LONP2: variants seen among roughly 807,000 people sequenced by gnomAD.
LONP2 encodes the protein lon protease homolog 2, peroxisomal.
LONP2 carries 60 observed loss-of-function variants against 85.6 expected under a neutral mutation model. That is an observed-to-expected ratio of 0.70 (90% CI 0.57 to 0.87). The LOEUF is 0.87. Ranked by LOEUF, LONP2 falls within the 40% of genes least tolerant of loss-of-function variation. The pLI, the probability that LONP2 is intolerant of heterozygous loss-of-function variation, is 0.00. For missense variants in LONP2, 860 were observed against 1,063.5 expected, an observed-to-expected ratio of 0.81 and a Z score of 2.66; for synonymous variants, 395 against 389.7, an observed-to-expected ratio of 1.01 and a Z score of -0.16.
intron 5 of LONP2, 28 bp from the exon 6 acceptor site, chr16:48,262,750 A>C: frequency 7.1e-7 from 1 of 1,412,164 alleles, no homozygotes; most frequent in Non-Finnish European, 9.9e-7. Flanking sequence ...GTTCTTGAAC[A>C]TGTTTGCTGT....
chr16:48,250,632 T>C lies in LONP2; in HGVS notation c.234-1499T>C, dbSNP rs78780283. 7.8e-3 allele frequency among the ~76,000 whole-genome samples: 1,184 copies of C among 152,366 alleles called. 22 individuals carry two copies. The highest frequency in any genetic ancestry group is 0.027 in the African/African-American group (1,133 of 41,586). On this transcript the variant is annotated intron_variant, in intron 1 of 14. Transcript: ENST00000285737. ...TCCTTGGTTTCTACTTTGTAAACCCTTTAGGCCGGGGATCCAGTTTCTTGT... is the reference window on the plus strand; with the variant it reads ...TCCTTGGTTTCTACTTTGTAAACCCCTTAGGCCGGGGATCCAGTTTCTTGT...
At chr16:48,255,170 G>C (rs970414221) in intron 2 of LONP2, among the ~76,000 whole-genome samples, 1 of 152,218 alleles carries the variant, frequency 6.6e-6, no homozygotes, top group South Asian at 2.1e-4. Flanking sequence ...CGCATAATGT[G>C]AGTGTCTTTC....
rs1247252972 is a variant in LONP2, at chr16:48,299,741, A to G, written c.1614A>G (p.Pro538=). ...PKQLEQHGLT[P]QQIQIPQVTT... The stretch of plus-strand genomic sequence containing the variant: ...AGCTGGAACAACATGGGCTGACTCC[A>G]CAGCAGATTCAGATACCCCAGGTCA... Residue 538 remains proline (P), a synonymous_variant, in exon 10 of 15, where the codon CCA becomes CCG. Coordinates refer to ENST00000285737, the MANE Select transcript of LONP2 (RefSeq NM_031490.5). 1 of 1,614,136 alleles carries G rather than the reference A, an allele frequency of 6.2e-7. No individual in the cohort carries two copies. Among genetic ancestry groups the G allele is most frequent in the Non-Finnish European group, 8.5e-7 (1 of 1,179,980 alleles).
At chr16:48,302,326 T>G (rs1275718456) in intron 10 of LONP2, among the ~76,000 whole-genome samples, 1 of 152,238 alleles carries the variant, frequency 6.6e-6, no homozygotes, top group African/African-American at 2.4e-5. Flanking sequence ...TAAGAGCTTT[T>G]TATCTGTCTT....
chr16:48,299,915 A>G (rs961208989), intron 10 of LONP2, 127 bp downstream of exon 10: 2 of 929,842 alleles, frequency 2.2e-6, no homozygotes, highest in Non-Finnish European at 3.2e-6. Context: ...CAGTCTCCTG[A>G]AAAGGAGATT....
chr16:48,258,543 C>A (rs1971810771), intron 3 of LONP2, 75 bp from the exon 4 acceptor site: 2 of 1,448,882 alleles, frequency 1.4e-6, no homozygotes, highest in Non-Finnish European at 1.8e-6. Context: ...GCAATTTAAA[C>A]CATGGCTCTG....
chr16:48,286,287 G>A (rs966801919), intron 8 of LONP2, among the ~76,000 whole-genome samples: 2 of 151,228 alleles, frequency 1.3e-5, no homozygotes, highest in African/African-American at 2.4e-5. Flanking sequence ...GACTACAGGT[G>A]CCTGCCACCA....
At chr16:48,328,152 C>T (rs1426584829) in intron 11 of LONP2, among the ~76,000 whole-genome samples, 2 of 152,208 alleles carry the variant, frequency 1.3e-5, no homozygotes, top group African/African-American at 4.8e-5. Context: ...GTGGCTCACT[C>T]CTGTAATCCC....
At chr16:48,332,051 G>A (rs1340055711) in intron 11 of LONP2, among the ~76,000 whole-genome samples, 2 of 152,208 alleles carry the variant, frequency 1.3e-5, no homozygotes, top group Non-Finnish European at 2.9e-5. Flanking sequence ...CAACAGGAGA[G>A]GAGAGTGGGA....
At chr16:48,276,266 T>C (rs1409499724) in intron 7 of LONP2, among the ~76,000 whole-genome samples, 1 of 152,234 alleles carries the variant, frequency 6.6e-6, no homozygotes, top group Non-Finnish European at 1.5e-5. Context: ...TTTTAAGGCT[T>C]GCTTGCCTTT....
Position 48,261,408 on chromosome 16 carries a change from C to T in LONP2, c.724-16C>T. The T allele has an allele frequency of 6.5e-7, 1 of 1,542,220 alleles. No individual in the cohort carries two copies. Among genetic ancestry groups the T allele is most frequent in the Non-Finnish European group, 8.8e-7 (1 of 1,142,562 alleles). ...TATTTTGACATACGGTTTTACTTTT[C>T]TGCTTTCTATGTTAGGTTATAGCAA... On this transcript the variant is annotated splice_polypyrimidine_tract_variant and intron_variant, in intron 4 of 14. Transcript: ENST00000285737.
intron 7 of LONP2, among the ~76,000 whole-genome samples, 159 bp downstream of exon 7, chr16:48,270,433 G>A (rs1337228100): frequency 6.6e-6 from 1 of 152,196 alleles, no homozygotes; most frequent in Admixed American, 6.5e-5. Flanking sequence ...AGCTAGCCTA[G>A]AGCCTCTAAG....
intron 9 of LONP2, among the ~76,000 whole-genome samples, chr16:48,296,865 G>T (rs771226095): frequency 6.6e-6 from 1 of 151,796 alleles, no homozygotes; most frequent in African/African-American, 2.4e-5. Flanking sequence ...TCACTGGAGC[G>T]TGCAAAATGT....
chr16:48,325,518 C>T (rs896864387), intron 11 of LONP2, among the ~76,000 whole-genome samples: 2 of 152,150 alleles, frequency 1.3e-5, no homozygotes, highest in African/African-American at 4.8e-5. Context: ...CAGTATTTGT[C>T]TTTTGGTGCC....
intron 11 of LONP2, among the ~76,000 whole-genome samples, chr16:48,313,262 T>G (rs1973072400): frequency 6.6e-6 from 1 of 152,214 alleles, no homozygotes; most frequent in Non-Finnish European, 1.5e-5. Context: ...ACAATTTGTA[T>G]TATCAAGTCT....
chr16:48,272,137 GAC>G (rs2150978463), intron 7 of LONP2, among the ~76,000 whole-genome samples: 1 of 152,230 alleles, frequency 6.6e-6, no homozygotes, highest in African/African-American at 2.4e-5. Flanking sequence ...TTCAATACCT[GAC>G]ACACAGTGAG....
rs191566899 is a variant in LONP2, at chr16:48,338,865, G to C, written c.1938+4507G>C. 2.0e-5 allele frequency among the ~76,000 whole-genome samples: 3 copies of C among 152,232 alleles called. No individual in the cohort carries two copies. The East Asian group carries it at 5.8e-4, about 29-fold the overall frequency. On this transcript the variant is annotated intron_variant, in intron 12 of 14. Transcript: ENST00000285737. ...GGAGGTTGCAATGAGCCAAGATCAC[G>C]CCACTGCATTCCAGCCTGGGTGACA... is the stretch of plus-strand genomic sequence containing the variant.
chr16:48,260,431 T>C (rs1971850789), intron 4 of LONP2, among the ~76,000 whole-genome samples: 1 of 152,106 alleles, frequency 6.6e-6, no homozygotes, highest in South Asian at 2.1e-4. Context: ...ACCTCATCTT[T>C]ACAAAAAAAA....
At position 48,277,426 on chromosome 16, in the gene LONP2, G is replaced by A; in HGVS notation, c.1330G>A (p.Val444Ile). The A allele has an allele frequency of 1.2e-6, 2 of 1,613,940 alleles. No individual in the cohort carries two copies. Among genetic ancestry groups the A allele is most frequent in the East Asian group, 4.5e-5 (2 of 44,866 alleles). Residue 444 changes from valine to isoleucine, a missense_variant, in exon 8 of 15, where the codon GTT becomes ATT. Physicochemically the swap from Val to Ile is conservative, Grantham distance 29. Coordinates refer to ENST00000285737, the MANE Select transcript of LONP2 (RefSeq NM_031490.5). Reference sequence around the variant, plus strand: ...CAACCCAGTGTTCCTATTAGATGAGGTTGACAAACTGGGAAAAAGTCTACA... The same window carrying A: ...CAACCCAGTGTTCCTATTAGATGAGATTGACAAACTGGGAAAAAGTCTACA... The part of the protein sequence containing the change: ...VNNPVFLLDE[V>I]DKLGKSLQGD...
Sources: gnomAD v4.1 joint callset for allele counts (sites outside exome capture counted in the v4.1 genomes callset) on GRCh38, gnomAD v4.1.1 for gene constraint, MANE v1.5 for transcripts, NCBI Gene and HGNC (gene_info 2026-07-23, HGNC 2026-07-21) for gene names.